WDPCP: variants seen among roughly 807,000 people sequenced by gnomAD.
WDPCP encodes WD repeat-containing and planar cell polarity effector protein fritz homolog.
In WDPCP, 71 loss-of-function variants were observed where a neutral mutation model predicts 93.1. That is an observed-to-expected ratio of 0.76 (90% CI 0.63 to 0.93). WDPCP has a LOEUF of 0.93. WDPCP is among the 40% of genes least tolerant of loss of function. WDPCP has a pLI of 0.00. For synonymous variants in WDPCP, 315 were observed against 315.0 expected (o/e 1.00, Z 0.00); for missense variants, 844 against 887.4 (o/e 0.95, Z 0.62).
chr2:63,146,522 G>A (rs1671521196), intron 17 of WDPCP, among the ~76,000 whole-genome samples: 1 of 151,664 alleles, frequency 6.6e-6, no homozygotes, highest in South Asian at 2.1e-4. Context: ...GGGACTACAG[G>A]CACACGCCAC....
chr2:63,818,357 A>C (rs776505598), intron 1 of WDPCP, among the ~76,000 whole-genome samples: 2 of 152,206 alleles, frequency 1.3e-5, no homozygotes, highest in Non-Finnish European at 2.9e-5. Context: ...TAGAATAAAA[A>C]CCACAATCCT....
In WDPCP at chr2:63,588,234, G is replaced by A. The variant is rs1236091955; in HGVS notation, c.38C>T (p.Ala13Val). ...TGGGGAAGAAGCGCGACTCCCGGCC[G>A]CTTTGGAGTAGGCGTCCCAGCAAAA... ...REFCWDAYSK[A>V]AGSRASSPLP... The change falls in exon 1 of 18, where the codon GCG (alanine) becomes GTG (valine). Residue 13 changes from alanine (A) to valine (V), a missense_variant. Transcript: ENST00000272321. 5 of 1,577,696 alleles carry A rather than the reference G, an allele frequency of 3.2e-6. No homozygotes were observed. Among genetic ancestry groups the A allele is most frequent in the East Asian group, 2.4e-5 (1 of 42,460 alleles).
intron 1 of WDPCP, among the ~76,000 whole-genome samples, chr2:63,497,838 G>C (rs1326800047): frequency 1.3e-5 from 2 of 152,146 alleles, no homozygotes; most frequent in African/African-American, 4.8e-5. Flanking sequence ...TGTTTTGAAG[G>C]AGAGAAGAAA....
chr2:63,504,834 T>C (rs761471364), intron 1 of WDPCP, among the ~76,000 whole-genome samples: 1 of 152,054 alleles, frequency 6.6e-6, no homozygotes, highest in Non-Finnish European at 1.5e-5. Context: ...TATAAGTAAA[T>C]TGATGTATCT....
intron 6 of WDPCP, among the ~76,000 whole-genome samples, chr2:63,445,223 T>G (rs922311496): frequency 1.3e-5 from 2 of 151,230 alleles, no homozygotes; most frequent in African/African-American, 2.4e-5. Context: ...TAAAAAAAAA[T>G]TAGTTGATTT....
chr2:63,529,539 C>A (rs1451397861), intron 1 of WDPCP, among the ~76,000 whole-genome samples: 2 of 152,136 alleles, frequency 1.3e-5, no homozygotes, highest in Non-Finnish European at 2.9e-5. Flanking sequence ...ATATGTTGAA[C>A]CAGGCTTGCA....
the WDPCP span, among the ~76,000 whole-genome samples, chr2:63,833,205 G>C: frequency 6.6e-6 from 1 of 152,072 alleles, no homozygotes; most frequent in Non-Finnish European, 1.5e-5. Context: ...GTGAGCTGAG[G>C]CTATGCCACT....
intron 5 of WDPCP, 100 bp downstream of exon 5, chr2:63,484,817 A>C: frequency 1.3e-6 from 2 of 1,498,400 alleles, no homozygotes; most frequent in Non-Finnish European, 1.8e-6. Context: ...CAAAGCTATC[A>C]TCACCATGAG....
intron 2 of WDPCP, among the ~76,000 whole-genome samples, chr2:63,810,793 A>C (rs1670852345): frequency 6.6e-6 from 1 of 152,254 alleles, no homozygotes; most frequent in East Asian, 1.9e-4. Flanking sequence ...AATGTACGGA[A>C]AAGCTTTTCT....
intron 1 of WDPCP, among the ~76,000 whole-genome samples, chr2:63,561,046 T>C (rs539596133): frequency 6.6e-6 from 1 of 152,320 alleles, no homozygotes; most frequent in African/African-American, 2.4e-5. Context: ...ACCCCTTTCC[T>C]ACACCTTATG....
At chr2:63,505,917 A>G (rs756972431) in intron 1 of WDPCP, among the ~76,000 whole-genome samples, 219 of 152,192 alleles carry the variant, frequency 1.4e-3, no homozygotes, top group Non-Finnish European at 2.3e-3. Context: ...GGAGGAGAAA[A>G]ATAATGAATA....
At chr2:63,130,410 T>C (rs970009660) in intron 17 of WDPCP, among the ~76,000 whole-genome samples, 1 of 152,126 alleles carries the variant, frequency 6.6e-6, no homozygotes, top group Admixed American at 6.5e-5. Flanking sequence ...TTGTCAGAAA[T>C]CATTTATCCA....
intron 2 of WDPCP, among the ~76,000 whole-genome samples, chr2:63,732,366 C>T (rs544166789): frequency 6.6e-6 from 1 of 152,226 alleles, no homozygotes; most frequent in African/African-American, 2.4e-5. Context: ...CAAATTCCAC[C>T]CTGGCCAAGA....
chr2:63,169,898 C>CTT (rs572202471), intron 15 of WDPCP, among the ~76,000 whole-genome samples: 4 of 142,864 alleles, frequency 2.8e-5, no homozygotes, highest in Non-Finnish European at 4.6e-5. Context: ...TTTCAGTGGA[C>CTT]TTTTTTTTTT....
intron 14 of WDPCP, among the ~76,000 whole-genome samples, chr2:63,213,904 C>G (rs1677067017): frequency 6.6e-6 from 1 of 152,126 alleles, no homozygotes; most frequent in East Asian, 1.9e-4. Flanking sequence ...CACATACACC[C>G]TCCCAAGAAT....
intron 9 of WDPCP, among the ~76,000 whole-genome samples, chr2:63,423,640 G>C (rs1383803763): frequency 6.6e-6 from 1 of 152,142 alleles, no homozygotes; most frequent in African/African-American, 2.4e-5. Flanking sequence ...CATCTGAAAA[G>C]TTAAAGTACC....
intron 14 of WDPCP, among the ~76,000 whole-genome samples, chr2:63,201,745 G>A (rs1434285402): frequency 6.6e-6 from 1 of 151,998 alleles, no homozygotes; most frequent in South Asian, 2.1e-4. Flanking sequence ...TGTTAGTCTG[G>A]TAAACCGTAA....
At chr2:63,779,590 G>T (rs1670357875) in intron 2 of WDPCP, among the ~76,000 whole-genome samples, 1 of 152,150 alleles carries the variant, frequency 6.6e-6, no homozygotes. Flanking sequence ...GTGGGGAGGG[G>T]TGCCCACACC....
At chr2:63,752,095 G>T in intron 2 of WDPCP, 1 of 603,274 alleles carries the variant, frequency 1.7e-6, no homozygotes, top group Non-Finnish European at 3.0e-6. Context: ...TTTTGGCAGG[G>T]CTTTCCTAAC....
Sources: gnomAD v4.1 joint callset for allele counts (sites outside exome capture counted in the v4.1 genomes callset) on GRCh38, gnomAD v4.1.1 for gene constraint, MANE v1.5 for transcripts, NCBI Gene and HGNC (gene_info 2026-07-23, HGNC 2026-07-21) for gene names.